Variants in C11orf65 observed in about 807,000 individuals in gnomAD.
C11orf65 encodes the protein protein MFI.
In C11orf65, 38 loss-of-function variants were observed where a neutral mutation model predicts 35.3. The observed-to-expected ratio is 1.08, with a 90% confidence interval of 0.83 to 1.41. The LOEUF (loss-of-function observed/expected upper bound fraction) is 1.41, where lower values mean the gene tolerates loss of function less well. Ranked by LOEUF, C11orf65 falls within the 40% of genes most tolerant of loss-of-function variation. C11orf65 has a pLI of 0.00. For missense variants in C11orf65, 370 were observed against 367.1 expected (o/e 1.01, Z -0.06); for synonymous variants, 105 against 114.4 (o/e 0.92, Z 0.53).
In C11orf65 at chr11:108,317,618, TATATATATA is replaced by T; in HGVS notation, c.641-8556_641-8548del. 2.2e-4 allele frequency: 6 copies of T among 26,752 alleles called. No individual in the cohort carries two copies. In the South Asian group the frequency reaches 7.5e-3, roughly 33 times the overall value. 1.7% of individuals were successfully genotyped at this position (26,752 alleles called of 1,614,324 possible). A position where few individuals can be genotyped will look rare whatever the true frequency, so the allele number is the denominator to read the frequency against. On this transcript the variant is annotated intron_variant, in intron 6 of 6. Transcript: ENST00000525729. The stretch of plus-strand genomic sequence containing the variant: ...TATGAATATAACAGGAGTTGTTTTA[TATATATATA>T]TATATATATATATATATATATATAT...
rs532960142 is a variant in C11orf65 at position 108,444,737 on chromosome 11, G to A, written c.82-12899C>T. Among the ~76,000 whole-genome samples, 545 of 152,184 alleles carry A rather than the reference G, an allele frequency of 3.6e-3. 4 individuals are homozygous for A. Among genetic ancestry groups the A allele is most frequent in the African/African-American group, 0.01 (429 of 41,498 alleles). ...TGAGGTACCAGGTTCATCTCACTAC[G>A]GAGTGCCAGGCAGTGGGTGTAGGAC... On this transcript the variant is annotated intron_variant, in intron 2 of 8. Coordinates refer to ENST00000393084, the MANE Select transcript of C11orf65 (RefSeq NM_152587.5).
chr11:108,425,292 A>G (rs1310513548), intron 3 of C11orf65, among the ~76,000 whole-genome samples: 1 of 152,192 alleles, frequency 6.6e-6, no homozygotes, highest in Admixed American at 6.5e-5. Flanking sequence ...TCAAATAGAT[A>G]CAATAAAAAA....
chr11:108,316,173 T>C (rs982996926), intron 6 of C11orf65: 2 of 1,438,442 alleles, frequency 1.4e-6, no homozygotes, highest in African/African-American at 2.8e-5. Flanking sequence ...GTTATTTCAG[T>C]ATGTTGGTGG....
rs1391070110 is a variant in C11orf65, at chr11:108,407,994, C to CTTT, written c.175-848_175-846dup. The stretch of plus-strand genomic sequence containing the variant: ...ATTTTATGAGCTAAGGACTTAATTT[C>CTTT]TTTTTATTATTATTATTATTATTAT... On this transcript the variant is annotated intron_variant, in intron 3 of 8. Coordinates refer to ENST00000393084, the MANE Select transcript of C11orf65 (RefSeq NM_152587.5). Among the ~76,000 whole-genome samples the CTTT allele has an allele frequency of 2.8e-3, 121 of 42,596 alleles. No individual in the cohort carries two copies. In the East Asian group the frequency reaches 0.036, roughly 13 times the overall value. 27.9% of individuals were successfully genotyped at this position (42,596 alleles called of 152,430 possible).
intron 2 of C11orf65, among the ~76,000 whole-genome samples, chr11:108,459,013 G>C (rs77589891): frequency 0.012 from 1,888 of 152,296 alleles, 48 homozygotes; most frequent in African/African-American, 0.042. Flanking sequence ...TGTCTACCCA[G>C]TGTTCTCACT....
chr11:108,329,193 A>C (rs1360453074), downstream of C11orf65: 1 of 1,614,086 alleles, frequency 6.2e-7, no homozygotes, highest in Non-Finnish European at 8.5e-7. Context: ...AAAAGAGCCA[A>C]AGAGGAAGTA....
At chr11:108,322,458 A>G (rs530776592) in intron 6 of C11orf65, among the ~76,000 whole-genome samples, 25 of 152,072 alleles carry the variant, frequency 1.6e-4, no homozygotes, top group South Asian at 4.1e-4. Context: ...CCGGCCCCCA[A>G]TGTTTTCTCT....
chr11:108,411,836 G>A lies in C11orf65; in HGVS notation c.175-4687C>T, dbSNP rs143209829. On this transcript the variant is annotated intron_variant, in intron 3 of 8. Transcript: ENST00000393084. ...GGAGTCTCGCTCTGTCATCCAGGCTGGAGTGCAGTGGTGTGATCTCAGCTC... is the reference window on the plus strand; with the variant it reads ...GGAGTCTCGCTCTGTCATCCAGGCTAGAGTGCAGTGGTGTGATCTCAGCTC... Among the ~76,000 whole-genome samples, 566 of 149,930 alleles carry A rather than the reference G, an allele frequency of 3.8e-3. 2 individuals are homozygous for A. Among genetic ancestry groups the A allele is most frequent in the Admixed American group, 5.5e-3 (82 of 15,016 alleles).
chr11:108,313,881 ATTTT>A (rs956168582), intron 6 of C11orf65, among the ~76,000 whole-genome samples: 3 of 151,952 alleles, frequency 2.0e-5, no homozygotes, highest in African/African-American at 7.2e-5. Flanking sequence ...TTTCTATTTT[ATTTT>A]TTTTATGTTT....
At chr11:108,383,816 T>C (rs1044282363) in intron 8 of C11orf65, among the ~76,000 whole-genome samples, 4 of 152,146 alleles carry the variant, frequency 2.6e-5, no homozygotes, top group Non-Finnish European at 5.9e-5. Context: ...TACCATCCTA[T>C]ATCTTTCTTC....
chr11:108,392,996 C>T (rs769636341), intron 7 of C11orf65, among the ~76,000 whole-genome samples: 9 of 152,186 alleles, frequency 5.9e-5, no homozygotes, highest in Non-Finnish European at 1.3e-4. Context: ...ATAAAGAGTC[C>T]TAAGTCTAAT....
chr11:108,362,282 T>G (rs112820445), intron 2 of C11orf65, among the ~76,000 whole-genome samples: 12,349 of 150,078 alleles, frequency 0.082, 539 homozygotes, highest in Middle Eastern at 0.12. Flanking sequence ...TGGCAGTCAT[T>G]AAAAAGTCAG....
At chr11:108,317,124 G>C (rs1218678072) in intron 6 of C11orf65, among the ~76,000 whole-genome samples, 2 of 149,070 alleles carry the variant, frequency 1.3e-5, no homozygotes, top group African/African-American at 5.0e-5. Context: ...AAAAATTGTA[G>C]AGACAGGTCT....
chr11:108,405,364 CATTTCAA>C, intron 6 of C11orf65, 58 bp downstream of exon 6: 1 of 1,542,422 alleles, frequency 6.5e-7, no homozygotes, highest in Non-Finnish European at 8.8e-7. Flanking sequence ...AGCAATACCT[CATTTCAA>C]ATTTGTTTTT....
At chr11:108,371,589 T>C (rs563609147) in intron 2 of C11orf65, among the ~76,000 whole-genome samples, 1 of 152,336 alleles carries the variant, frequency 6.6e-6, no homozygotes, top group East Asian at 1.9e-4. Context: ...GGCTGAATAA[T>C]ATTCCATTGT....
intron 2 of C11orf65, chr11:108,365,771 T>C: frequency 2.1e-6 from 1 of 471,216 alleles, no homozygotes; most frequent in Non-Finnish European, 3.8e-6. Flanking sequence ...CCCAGCACTT[T>C]GGGAGGCCGA....
At chr11:108,345,327 A>C (rs1435756290) in intron 2 of C11orf65, among the ~76,000 whole-genome samples, 1 of 152,194 alleles carries the variant, frequency 6.6e-6, no homozygotes, top group African/African-American at 2.4e-5. Flanking sequence ...ATGTTGGAGG[A>C]TAGAGATCTG....
chr11:108,411,200 A>G (rs1377550696), intron 3 of C11orf65, among the ~76,000 whole-genome samples: 1 of 152,064 alleles, frequency 6.6e-6, no homozygotes, highest in Non-Finnish European at 1.5e-5. Context: ...CTTAGTATAA[A>G]ATATATTCTA....
intron 2 of C11orf65, among the ~76,000 whole-genome samples, chr11:108,448,490 G>T (rs185586682): frequency 1.6e-4 from 24 of 151,998 alleles, no homozygotes; most frequent in Admixed American, 1.1e-3. Flanking sequence ...ATATGCAAAT[G>T]AATAAATGTA....
Sources: gnomAD v4.1 joint callset for allele counts (sites outside exome capture counted in the v4.1 genomes callset) on GRCh38, gnomAD v4.1.1 for gene constraint, MANE v1.5 for transcripts, NCBI Gene and HGNC (gene_info 2026-07-23, HGNC 2026-07-21) for gene names.